SCMH1: variants seen among roughly 807,000 people sequenced by gnomAD.
SCMH1 encodes the protein polycomb protein SCMH1.
Under a neutral mutation model 70.8 loss-of-function variants are expected in SCMH1, and 37 were observed. The observed-to-expected ratio is 0.52, with a 90% confidence interval of 0.40 to 0.69. SCMH1 has a LOEUF of 0.69. SCMH1 is among the 30% of genes least tolerant of loss of function. SCMH1 has a pLI of 0.00. For synonymous variants in SCMH1, 292 were observed against 307.4 expected, an observed-to-expected ratio of 0.95 and a Z score of 0.52; for missense variants, 607 against 827.3, an observed-to-expected ratio of 0.73 and a Z score of 3.27.
At position 41,087,071 on chromosome 1, in the gene SCMH1, C is replaced by T. The variant is rs368984201; in HGVS notation, c.746-11620G>A. 3.9e-4 allele frequency among the ~76,000 whole-genome samples: 60 copies of T among 151,928 alleles called. No homozygotes were observed. In the South Asian group the frequency reaches 0.012, roughly 31 times the overall value. On this transcript the variant is annotated intron_variant, in intron 8 of 14. Transcript: ENST00000337495. ...ACACCAATGGAATAGAAAAACAGAC[C>T]CAACTATACACATAAATCTGGGATA...
intron 2 of SCMH1, among the ~76,000 whole-genome samples, chr1:41,165,007 G>A (rs943597614): frequency 6.6e-6 from 1 of 151,894 alleles, no homozygotes; most frequent in East Asian, 1.9e-4. Context: ...CTAACTATAA[G>A]TTTCTACCTG....
intron 1 of SCMH1, among the ~76,000 whole-genome samples, chr1:41,197,166 T>A (rs1572990212): frequency 6.6e-6 from 1 of 152,124 alleles, no homozygotes; most frequent in African/African-American, 2.4e-5. Context: ...TGTGGAATTA[T>A]CATATGATCC....
intron 10 of SCMH1, among the ~76,000 whole-genome samples, chr1:41,063,155 CA>C (rs575007156): frequency 1.1e-3 from 167 of 151,982 alleles, no homozygotes; most frequent in African/African-American, 3.8e-3. Context: ...GAGCAGAAAT[CA>C]ATGAAATCAA....
At chr1:41,145,152 C>T (rs1644440227) in intron 5 of SCMH1, among the ~76,000 whole-genome samples, 1 of 151,964 alleles carries the variant, frequency 6.6e-6, no homozygotes, top group African/African-American at 2.4e-5. Flanking sequence ...ATATCTAATC[C>T]AAGGTCATGA....
intron 6 of SCMH1, among the ~76,000 whole-genome samples, chr1:41,136,773 CT>C (rs67410901): frequency 0.079 from 8,580 of 108,158 alleles, 178 homozygotes; most frequent in East Asian, 0.19. Context: ...AAGGACAGTA[CT>C]TTTTTTTTTT....
At chr1:41,234,831 C>T (rs1662036183) in intron 1 of SCMH1, among the ~76,000 whole-genome samples, 1 of 152,116 alleles carries the variant, frequency 6.6e-6, no homozygotes, top group Admixed American at 6.6e-5. Context: ...AAAAGTCATT[C>T]TCTCTCTCTG....
At chr1:41,083,663 G>A (rs543670576) in intron 8 of SCMH1, among the ~76,000 whole-genome samples, 58 of 152,190 alleles carry the variant, frequency 3.8e-4, no homozygotes, top group African/African-American at 1.1e-3. Flanking sequence ...AGCCCGCATC[G>A]CCAAGTCAAT....
At chr1:41,235,542 G>C (rs1662190067) in intron 1 of SCMH1, among the ~76,000 whole-genome samples, 1 of 125,832 alleles carries the variant, frequency 7.9e-6, no homozygotes. Context: ...CTGCACTCCA[G>C]CCTGGGAGTC....
intron 8 of SCMH1, among the ~76,000 whole-genome samples, chr1:41,096,938 T>C (rs887232877): frequency 6.6e-6 from 1 of 152,232 alleles, no homozygotes; most frequent in Admixed American, 6.5e-5. Context: ...TCTTTCAAAC[T>C]AGTTCAAAGA....
intron 1 of SCMH1, among the ~76,000 whole-genome samples, chr1:41,231,127 CTG>C (rs1661222788): frequency 6.6e-6 from 1 of 152,252 alleles, no homozygotes; most frequent in African/African-American, 2.4e-5. Context: ...GCTGATCAAA[CTG>C]TGGTCTATTT....
At chr1:41,237,169 G>A (rs1432735700) in intron 1 of SCMH1, among the ~76,000 whole-genome samples, 1 of 152,116 alleles carries the variant, frequency 6.6e-6, no homozygotes, top group African/African-American at 2.4e-5. Context: ...GTGACATTGA[G>A]GAACTCAGGT....
intron 1 of SCMH1, among the ~76,000 whole-genome samples, chr1:41,236,227 GAAGT>G (rs1436598170): frequency 1.3e-5 from 2 of 152,204 alleles, no homozygotes; most frequent in African/African-American, 4.8e-5. Context: ...AGAAGATGAA[GAAGT>G]AATGGTCCAG....
At chr1:41,124,914 G>C (rs1672808041) in intron 6 of SCMH1, among the ~76,000 whole-genome samples, 1 of 152,030 alleles carries the variant, frequency 6.6e-6, no homozygotes, top group African/African-American at 2.4e-5. Flanking sequence ...AAAGAGATTT[G>C]ATAAAAAATA....
At chr1:41,127,919 C>T (rs1673635974) in intron 6 of SCMH1, among the ~76,000 whole-genome samples, 1 of 152,126 alleles carries the variant, frequency 6.6e-6, no homozygotes, top group African/African-American at 2.4e-5. Flanking sequence ...CTTGGACTTT[C>T]CAGTCTTTAG....
intron 1 of SCMH1, among the ~76,000 whole-genome samples, chr1:41,202,810 A>G (rs1398804783): frequency 6.6e-6 from 1 of 152,118 alleles, no homozygotes; most frequent in Non-Finnish European, 1.5e-5. Context: ...CTCCTAGTCT[A>G]TATGCCTCTC....
Position 41,046,601 on chromosome 1 carries a change from G to A in SCMH1, c.1307-3C>T. 1 of 1,613,654 alleles carries A rather than the reference G, an allele frequency of 6.2e-7. No individual in the cohort carries two copies. Among genetic ancestry groups the A allele is most frequent in the Non-Finnish European group, 8.5e-7 (1 of 1,179,618 alleles). Reference sequence around the variant, plus strand: ...ATGCTGTTCCCGGTCAAACACGGCTGTGGAGTGAGTAAACAGGGCCAAGCA... The same window carrying A: ...ATGCTGTTCCCGGTCAAACACGGCTATGGAGTGAGTAAACAGGGCCAAGCA... On this transcript the variant is annotated splice_region_variant and splice_polypyrimidine_tract_variant and intron_variant, in intron 11 of 14. Transcript: ENST00000337495.
At chr1:41,241,047 C>G (rs1663408935) in intron 1 of SCMH1, among the ~76,000 whole-genome samples, 1 of 152,174 alleles carries the variant, frequency 6.6e-6, no homozygotes. Flanking sequence ...GGGAAAAGAA[C>G]TAGGAAGGAT....
At chr1:41,145,133 G>A (rs976517143) in intron 5 of SCMH1, among the ~76,000 whole-genome samples, 7 of 151,850 alleles carry the variant, frequency 4.6e-5, no homozygotes, top group Non-Finnish European at 8.8e-5. Flanking sequence ...TTATGTTTTT[G>A]GTGTTATAAT....
chr1:41,171,801 A>G (rs1012975014), intron 2 of SCMH1, among the ~76,000 whole-genome samples: 3 of 152,258 alleles, frequency 2.0e-5, no homozygotes, highest in Non-Finnish European at 4.4e-5. Flanking sequence ...CAATGGGTCA[A>G]TGAAGAAATT....
Sources: gnomAD v4.1 joint callset for allele counts (sites outside exome capture counted in the v4.1 genomes callset) on GRCh38, gnomAD v4.1.1 for gene constraint, MANE v1.5 for transcripts, NCBI Gene and HGNC (gene_info 2026-07-23, HGNC 2026-07-21) for gene names.